CPNE8: variants seen among roughly 807,000 people sequenced by gnomAD.
CPNE8 encodes the protein copine-8.
CPNE8 carries 45 observed loss-of-function variants against 81.5 expected under a neutral mutation model. That is an observed-to-expected ratio of 0.55 (90% CI 0.44 to 0.71). The LOEUF is 0.71. Ranked by LOEUF, CPNE8 falls within the 30% of genes least tolerant of loss-of-function variation. The pLI, the probability that CPNE8 is intolerant of heterozygous loss-of-function variation, is 0.00. For missense variants in CPNE8, 594 were observed against 672.1 expected (o/e 0.88, Z 1.28); for synonymous variants, 252 against 226.3 (o/e 1.11, Z -1.02).
At chr12:38,736,234 T>TGTGTGTGTGTGTGTGTGTGTGTGTGTGTG (rs60702724) in intron 10 of CPNE8, among the ~76,000 whole-genome samples, 22 of 148,842 alleles carry the variant, frequency 1.5e-4, no homozygotes, top group African/African-American at 5.2e-4. Flanking sequence ...TGTGTGTGTG[T>TGTGTGTGTGTGTGTGTGTGTGTGTGTGTG]TGTGTGTGTA....
chr12:38,876,206 G>A (rs1944063471), intron 1 of CPNE8, among the ~76,000 whole-genome samples: 1 of 152,062 alleles, frequency 6.6e-6, no homozygotes, highest in Admixed American at 6.6e-5. Context: ...ATAAACAATA[G>A]GACAGATGAG....
intron 18 of CPNE8, among the ~76,000 whole-genome samples, chr12:38,673,990 AT>A (rs1349474580): frequency 6.6e-6 from 1 of 151,134 alleles, no homozygotes; most frequent in East Asian, 1.9e-4. Flanking sequence ...AAGTTCTCAA[AT>A]TCTGCATTGC....
chr12:38,674,812 C>T (rs1371979727), intron 18 of CPNE8, among the ~76,000 whole-genome samples: 1 of 152,096 alleles, frequency 6.6e-6, no homozygotes, highest in Non-Finnish European at 1.5e-5. Flanking sequence ...ATAAGAATCA[C>T]CTCAGTGATA....
At chr12:38,881,153 T>A (rs1592152982) in intron 1 of CPNE8, among the ~76,000 whole-genome samples, 1 of 148,692 alleles carries the variant, frequency 6.7e-6, no homozygotes, top group African/African-American at 2.5e-5. Flanking sequence ...GAGCTTGCAG[T>A]GAGCCGAGAT....
intron 6 of CPNE8, among the ~76,000 whole-genome samples, chr12:38,798,152 C>A (rs1256961728): frequency 6.6e-6 from 1 of 152,106 alleles, no homozygotes; most frequent in African/African-American, 2.4e-5. Flanking sequence ...AGAACTTCCC[C>A]AATCTAGCAA....
rs561705113 is a variant in CPNE8 at position 38,698,939 on chromosome 12, T to G, written c.961+3936A>C. ...TTCCTCCAAAAAGTCCTTTCAGACTTTGATAAGGATTGCTTTAAATAAATT... is the reference window on the plus strand; with the variant it reads ...TTCCTCCAAAAAGTCCTTTCAGACTGTGATAAGGATTGCTTTAAATAAATT... On this transcript the variant is annotated intron_variant, in intron 14 of 19. Coordinates refer to ENST00000331366, the MANE Select transcript of CPNE8 (RefSeq NM_153634.3). Among the ~76,000 whole-genome samples the G allele has an allele frequency of 2.6e-5, 4 of 152,342 alleles. No individual in the cohort carries two copies. In the South Asian group the frequency reaches 8.3e-4, roughly 32 times the overall value.
intron 6 of CPNE8, among the ~76,000 whole-genome samples, chr12:38,798,120 ACT>A (rs1407273336): frequency 6.6e-6 from 1 of 152,170 alleles, no homozygotes; most frequent in Non-Finnish European, 1.5e-5. Flanking sequence ...GTTGGAAAAC[ACT>A]CTGCAAGACA....
intron 6 of CPNE8, among the ~76,000 whole-genome samples, chr12:38,796,415 A>G (rs1034261881): frequency 6.6e-6 from 1 of 152,232 alleles, no homozygotes; most frequent in Admixed American, 6.5e-5. Context: ...AAAAATGATA[A>G]AAGATTGATG....
At chr12:38,863,927 G>T (rs1458731728) in intron 3 of CPNE8, among the ~76,000 whole-genome samples, 1 of 151,944 alleles carries the variant, frequency 6.6e-6, no homozygotes, top group East Asian at 1.9e-4. Flanking sequence ...GGTGGCGGGC[G>T]CCTGTAGTCC....
chr12:38,742,908 T>C (rs1941143340), intron 10 of CPNE8, among the ~76,000 whole-genome samples: 1 of 151,906 alleles, frequency 6.6e-6, no homozygotes. Context: ...GTAAACATTT[T>C]TTCATGTTTA....
chr12:38,797,313 T>A (rs1470967447), intron 6 of CPNE8, among the ~76,000 whole-genome samples: 2 of 152,242 alleles, frequency 1.3e-5, no homozygotes, highest in Middle Eastern at 3.4e-3. Flanking sequence ...AGGGGCAGAC[T>A]GACACCTCAC....
chr12:38,696,515 G>T (rs1437796150), intron 14 of CPNE8, among the ~76,000 whole-genome samples: 2 of 152,068 alleles, frequency 1.3e-5, no homozygotes, highest in Non-Finnish European at 2.9e-5. Flanking sequence ...CCAACTAATA[G>T]CCATAATAAT....
At chr12:38,772,583 A>G (rs1195964933) in intron 7 of CPNE8, among the ~76,000 whole-genome samples, 1 of 152,188 alleles carries the variant, frequency 6.6e-6, no homozygotes, top group Admixed American at 6.5e-5. Context: ...GCCTGTTAGA[A>G]TGCCTACTAT....
chr12:38,817,850 C>T (rs1565633318), intron 6 of CPNE8, among the ~76,000 whole-genome samples: 1 of 152,132 alleles, frequency 6.6e-6, no homozygotes. Context: ...GTCTCGATCT[C>T]CTGACCTCGT....
chr12:38,829,719 A>G (rs945591203), intron 5 of CPNE8, among the ~76,000 whole-genome samples: 2 of 152,244 alleles, frequency 1.3e-5, no homozygotes, highest in African/African-American at 4.8e-5. Flanking sequence ...TTTAAGTTAC[A>G]ATACAAAATA....
chr12:38,749,795 G>C (rs1406479652), intron 10 of CPNE8, among the ~76,000 whole-genome samples: 1 of 152,140 alleles, frequency 6.6e-6, no homozygotes, highest in Non-Finnish European at 1.5e-5. Context: ...AAGGGAAGCA[G>C]AGCATAAAAG....
chr12:38,748,400 G>A lies in CPNE8; in HGVS notation c.722+12447C>T, dbSNP rs528194985. ...CAGGGTTGTTCTATCATAAATAACT[G>A]AGTTGAACATTTTTACCACAAGCCT... On this transcript the variant is annotated intron_variant, in intron 10 of 19. Transcript: ENST00000331366. Among the ~76,000 whole-genome samples the A allele has an allele frequency of 7.9e-5, 12 of 152,248 alleles. No homozygotes were observed. The East Asian group carries it at 2.3e-3, about 29-fold the overall frequency.
chr12:38,896,191 G>A (rs1402826947), intron 1 of CPNE8, among the ~76,000 whole-genome samples: 1 of 151,986 alleles, frequency 6.6e-6, no homozygotes, highest in Non-Finnish European at 1.5e-5. Context: ...TATTTGCTGG[G>A]GACTATCAGT....
At chr12:38,728,287 T>A (rs1355244715) in intron 11 of CPNE8, among the ~76,000 whole-genome samples, 2 of 152,130 alleles carry the variant, frequency 1.3e-5, no homozygotes, top group African/African-American at 4.8e-5. Flanking sequence ...ACAAAATCTT[T>A]AAATCAGCTA....
Sources: gnomAD v4.1 joint callset for allele counts (sites outside exome capture counted in the v4.1 genomes callset) on GRCh38, gnomAD v4.1.1 for gene constraint, MANE v1.5 for transcripts, NCBI Gene and HGNC (gene_info 2026-07-23, HGNC 2026-07-21) for gene names.